ACOXL: variants seen among roughly 807,000 people sequenced by gnomAD.
ACOXL encodes acyl-coenzyme A oxidase-like protein.
In ACOXL, 70 loss-of-function variants were observed where a neutral mutation model predicts 71.9. The observed-to-expected ratio is 0.97, with a 90% confidence interval of 0.80 to 1.19. The LOEUF (loss-of-function observed/expected upper bound fraction) is 1.19, where lower values mean the gene tolerates loss of function less well. Among genes scored for constraint, ACOXL ranks in the 50% most tolerant of loss-of-function variants. The probability of loss-of-function intolerance (pLI) is 0.00; values close to 1 mark genes in which losing one functional copy is unlikely to be tolerated. For missense variants in ACOXL, 703 were observed against 736.3 expected, an observed-to-expected ratio of 0.95 and a Z score of 0.52; for synonymous variants, 253 against 281.6, an observed-to-expected ratio of 0.90 and a Z score of 1.02.
At chr2:110,892,928 G>C (rs540119424) in intron 10 of ACOXL, among the ~76,000 whole-genome samples, 2 of 152,274 alleles carry the variant, frequency 1.3e-5, no homozygotes, top group East Asian at 3.9e-4. Context: ...CAGCCTAGTG[G>C]CACTTGCTGC....
At chr2:110,810,208 C>A (rs933137488) in intron 9 of ACOXL, among the ~76,000 whole-genome samples, 1 of 152,224 alleles carries the variant, frequency 6.6e-6, no homozygotes, top group African/African-American at 2.4e-5. Flanking sequence ...GTAACACGAT[C>A]AGGCCTTTGT....
chr2:111,017,305 A>T (rs962257621), intron 14 of ACOXL, among the ~76,000 whole-genome samples: 2 of 152,228 alleles, frequency 1.3e-5, no homozygotes, highest in African/African-American at 4.8e-5. Flanking sequence ...AGTTCCTGCC[A>T]TAGCGAGGAA....
chr2:111,096,053 T>C (rs2068782696), intron 17 of ACOXL, among the ~76,000 whole-genome samples: 1 of 152,182 alleles, frequency 6.6e-6, no homozygotes, highest in Non-Finnish European at 1.5e-5. Flanking sequence ...GAGAATGTGC[T>C]TGCAAAGAAG....
intron 10 of ACOXL, among the ~76,000 whole-genome samples, chr2:110,898,101 T>A (rs2059087770): frequency 6.6e-6 from 1 of 152,202 alleles, no homozygotes; most frequent in African/African-American, 2.4e-5. Flanking sequence ...CTCATGATTT[T>A]AAAACTCCTA....
chr2:110,890,200 A>G (rs116079450), intron 10 of ACOXL, among the ~76,000 whole-genome samples: 2,187 of 152,298 alleles, frequency 0.014, 29 homozygotes, highest in Middle Eastern at 0.058. Context: ...TATATTCCAG[A>G]TATCATTCCA....
At chr2:110,867,387 C>G (rs1355729649) in intron 10 of ACOXL, among the ~76,000 whole-genome samples, 1 of 152,214 alleles carries the variant, frequency 6.6e-6, no homozygotes, top group Non-Finnish European at 1.5e-5. Flanking sequence ...CCTTCTGCAT[C>G]TCTCTGTGTC....
At chr2:111,037,590 C>T (rs958324470) in intron 15 of ACOXL, among the ~76,000 whole-genome samples, 2 of 152,200 alleles carry the variant, frequency 1.3e-5, no homozygotes, top group African/African-American at 2.4e-5. Flanking sequence ...CCATCTCCAT[C>T]TATAGAAAAT....
rs138770105 is a variant in ACOXL, at chr2:110,834,671, TC to T, written c.754-6699del. 8.2e-3 allele frequency among the ~76,000 whole-genome samples: 1,251 copies of T among 152,352 alleles called. 6 individuals are homozygous for T. The highest frequency in any genetic ancestry group is 0.027 in the African/African-American group (1,127 of 41,582). ...CTAAAGCCCATAACCATTGCCAGGT[TC>T]TTGCTCGAGAGCTTCCTGCCTGCTC... On this transcript the variant is annotated intron_variant, in intron 9 of 17. Coordinates refer to ENST00000439055, the MANE Select transcript of ACOXL (RefSeq NM_001142807.4).
At chr2:110,887,779 A>G (rs1187579027) in intron 10 of ACOXL, 4 of 152,176 alleles carry the variant, frequency 2.6e-5, no homozygotes, top group African/African-American at 7.2e-5. Flanking sequence ...CTGTTACCCT[A>G]AAGTGTGTGT....
chr2:110,793,359 A>G (rs549950640), intron 3 of ACOXL, among the ~76,000 whole-genome samples: 1 of 152,194 alleles, frequency 6.6e-6, no homozygotes, highest in African/African-American at 2.4e-5. Flanking sequence ...TGAGAGGACA[A>G]AGCAGAATGA....
chr2:110,799,213 T>G (rs2105314220), intron 7 of ACOXL, 113 bp downstream of exon 7: 1 of 1,017,788 alleles, frequency 9.8e-7, no homozygotes, highest in East Asian at 2.4e-5. Flanking sequence ...TGGAGAAAAC[T>G]TCCCCAGAGA....
chr2:111,061,919 A>C (rs921884808), intron 16 of ACOXL, among the ~76,000 whole-genome samples: 2 of 152,042 alleles, frequency 1.3e-5, no homozygotes, highest in Non-Finnish European at 2.9e-5. Context: ...GCCAAGGAAG[A>C]AAAAAAAGAA....
intron 12 of ACOXL, among the ~76,000 whole-genome samples, chr2:110,977,511 G>A (rs2062221): frequency 0.92 from 139,967 of 152,302 alleles, 64,490 homozygotes; most frequent in East Asian, 1. Flanking sequence ...AACTCATGAT[G>A]CACACAAACT....
rs558218453 is a variant in ACOXL, at chr2:110,786,774, C to T, written c.159+1959C>T. 5.3e-5 allele frequency among the ~76,000 whole-genome samples: 8 copies of T among 152,324 alleles called. No individual in the cohort carries two copies. In the South Asian group the frequency reaches 1.7e-3, roughly 32 times the overall value. On this transcript the variant is annotated intron_variant, in intron 3 of 17. Coordinates refer to ENST00000439055, the MANE Select transcript of ACOXL (RefSeq NM_001142807.4). The stretch of plus-strand genomic sequence containing the variant: ...GGAAGGGGCAGCCTGTAGCATAAAG[C>T]AGACTTAAGAAGCATTTTAACCAAT...
intron 14 of ACOXL, among the ~76,000 whole-genome samples, chr2:111,011,019 A>G (rs1449363384): frequency 6.6e-6 from 1 of 152,226 alleles, no homozygotes; most frequent in Non-Finnish European, 1.5e-5. Flanking sequence ...TGCTAAACAT[A>G]TAAGGAACTA....
At chr2:111,059,191 T>C (rs979600571) in intron 16 of ACOXL, among the ~76,000 whole-genome samples, 6 of 152,184 alleles carry the variant, frequency 3.9e-5, no homozygotes, top group African/African-American at 1.4e-4. Context: ...AAGGTATGAT[T>C]GAACCACTGT....
chr2:111,030,683 A>G (rs2065224602), intron 14 of ACOXL, among the ~76,000 whole-genome samples: 1 of 152,078 alleles, frequency 6.6e-6, no homozygotes, highest in Admixed American at 6.5e-5. Context: ...ACAAATGAGA[A>G]GCAGATACAT....
intron 14 of ACOXL, among the ~76,000 whole-genome samples, chr2:111,009,154 C>T (rs1172206409): frequency 2.6e-5 from 4 of 152,090 alleles, no homozygotes; most frequent in African/African-American, 9.7e-5. Flanking sequence ...AAAAGCCTTT[C>T]CCTTCACTTA....
chr2:110,899,467 G>A (rs2059140865), intron 10 of ACOXL, among the ~76,000 whole-genome samples: 1 of 152,164 alleles, frequency 6.6e-6, no homozygotes. Context: ...CTCTGCATCT[G>A]CCATGAAATG....
Sources: gnomAD v4.1 joint callset for allele counts (sites outside exome capture counted in the v4.1 genomes callset) on GRCh38, gnomAD v4.1.1 for gene constraint, MANE v1.5 for transcripts, NCBI Gene and HGNC (gene_info 2026-07-23, HGNC 2026-07-21) for gene names.